Variants in IL1R1 observed in about 807,000 individuals in gnomAD.
IL1R1 encodes interleukin-1 receptor type 1.
IL1R1 carries 22 observed loss-of-function variants against 50.2 expected under a neutral mutation model. That is an observed-to-expected ratio of 0.44 (90% CI 0.31 to 0.63). The LOEUF (loss-of-function observed/expected upper bound fraction) is 0.63. Among genes scored for constraint, IL1R1 ranks in the 20% least tolerant of loss-of-function variants. The pLI is 0.07. For missense variants in IL1R1, 509 were observed against 676.2 expected (o/e 0.75, Z 2.74); for synonymous variants, 251 against 236.7 (o/e 1.06, Z -0.55).
At chr2:102,108,630 C>T (rs1390013953) in intron 1 of IL1R1, among the ~76,000 whole-genome samples, 1 of 151,884 alleles carries the variant, frequency 6.6e-6, no homozygotes, top group Admixed American at 6.6e-5. Context: ...AAAGGCACCC[C>T]AGAAGATTAA....
chr2:102,113,330 C>T (rs905182699), intron 1 of IL1R1, among the ~76,000 whole-genome samples: 6 of 152,210 alleles, frequency 3.9e-5, no homozygotes, highest in Non-Finnish European at 8.8e-5. Flanking sequence ...AAATTATTAG[C>T]GGTGAATGTA....
At chr2:102,144,841 C>T (rs1044656027) in intron 1 of IL1R1, among the ~76,000 whole-genome samples, 3 of 152,138 alleles carry the variant, frequency 2.0e-5, no homozygotes, top group African/African-American at 7.2e-5. Context: ...CCTAGAGAAT[C>T]GCAGGGCTGC....
chr2:102,103,285 C>T (rs1680226803), upstream of IL1R1, among the ~76,000 whole-genome samples: 1 of 152,038 alleles, frequency 6.6e-6, no homozygotes, highest in Non-Finnish European at 1.5e-5. Flanking sequence ...GGAAAATCAC[C>T]CCAGGATGCT....
intron 1 of IL1R1, among the ~76,000 whole-genome samples, chr2:102,105,027 AT>A (rs1341608398): frequency 6.6e-6 from 1 of 152,180 alleles, no homozygotes; most frequent in Non-Finnish European, 1.5e-5. Flanking sequence ...CATTTTAAGG[AT>A]TTCTTGAAGT....
chr2:102,130,829 T>C (rs1197351486), intron 1 of IL1R1, among the ~76,000 whole-genome samples: 1 of 152,196 alleles, frequency 6.6e-6, no homozygotes, highest in African/African-American at 2.4e-5. Context: ...GCCCTAGATT[T>C]ACTTTCTCAT....
intron 1 of IL1R1, among the ~76,000 whole-genome samples, chr2:102,151,352 A>G (rs976959742): frequency 1.3e-5 from 2 of 151,908 alleles, no homozygotes; most frequent in East Asian, 3.9e-4. Flanking sequence ...CCCTTATTCC[A>G]TCCTTTCTCT....
chr2:102,157,249 A>G (rs1377130031), intron 2 of IL1R1, among the ~76,000 whole-genome samples: 1 of 152,152 alleles, frequency 6.6e-6, no homozygotes, highest in African/African-American at 2.4e-5. Flanking sequence ...ATCTTGCAAT[A>G]TAAAATGAAG....
rs145659416 is a variant in IL1R1 at position 102,119,132 on chromosome 2, C to T, written c.-84+14260C>T. Among the ~76,000 whole-genome samples, 526 of 151,810 alleles carry T rather than the reference C, an allele frequency of 3.5e-3. 2 individuals are homozygous for T. Among genetic ancestry groups the T allele is most frequent in the African/African-American group, 0.012 (502 of 41,348 alleles). Reference sequence around the variant, plus strand: ...CTGAGCTTATATCTGCTGTGCAGAGCAACGAAAACATTTATGGGAGGGTAA... The same window carrying T: ...CTGAGCTTATATCTGCTGTGCAGAGTAACGAAAACATTTATGGGAGGGTAA... On this transcript the variant is annotated intron_variant, in intron 1 of 10. Coordinates refer to the IL1R1 transcript ENST00000409329.
At chr2:102,116,713 C>G (rs922894191) in intron 1 of IL1R1, among the ~76,000 whole-genome samples, 4 of 152,156 alleles carry the variant, frequency 2.6e-5, no homozygotes, top group African/African-American at 9.7e-5. Flanking sequence ...AACAAAACAG[C>G]AACAGCAGCA....
intron 1 of IL1R1, among the ~76,000 whole-genome samples, chr2:102,095,874 G>A (rs1425738878): frequency 2.0e-5 from 3 of 151,890 alleles, no homozygotes; most frequent in African/African-American, 7.3e-5. Flanking sequence ...GTGGTGGTAC[G>A]TGCCTGTAAT....
At chr2:102,099,444 G>A (rs1235753286) in intron 1 of IL1R1, among the ~76,000 whole-genome samples, 5 of 152,126 alleles carry the variant, frequency 3.3e-5, no homozygotes, top group African/African-American at 1.2e-4. Context: ...TGGCCTCCTG[G>A]ACGTCTATCC....
intron 1 of IL1R1, among the ~76,000 whole-genome samples, chr2:102,075,157 T>C (rs1678906400): frequency 6.6e-6 from 1 of 152,228 alleles, no homozygotes; most frequent in Non-Finnish European, 1.5e-5. Flanking sequence ...AAACAAGTTA[T>C]TGGTAGTGGG....
chr2:102,152,836 C>T (rs1228327278), intron 1 of IL1R1, among the ~76,000 whole-genome samples: 1 of 152,070 alleles, frequency 6.6e-6, no homozygotes, highest in Non-Finnish European at 1.5e-5. Flanking sequence ...CTGTGTACTG[C>T]CTCAAAGTGA....
chr2:102,155,936 G>A (rs955652190), intron 2 of IL1R1, among the ~76,000 whole-genome samples: 1 of 152,154 alleles, frequency 6.6e-6, no homozygotes, highest in Non-Finnish European at 1.5e-5. Context: ...ACTCCATAAA[G>A]TTCAGTCACA....
upstream of IL1R1, among the ~76,000 whole-genome samples, chr2:102,140,756 A>G (rs4141631): frequency 0.81 from 123,345 of 152,098 alleles, 50,469 homozygotes; most frequent in African/African-American, 0.91. Flanking sequence ...GGGAAGGAGA[A>G]AGTCAGTGAA....
rs147802242 is a variant in IL1R1, at chr2:102,111,875, G to A, written c.-84+7003G>A. 1.6e-4 allele frequency among the ~76,000 whole-genome samples: 24 copies of A among 152,254 alleles called. No homozygotes were observed. In the East Asian group the frequency reaches 4.4e-3, roughly 28 times the overall value. On this transcript the variant is annotated intron_variant, in intron 1 of 10. Transcript: ENST00000409329. ...TTATCTTTCTAACTTTAGAAAGATA[G>A]AGGTGACCAACTGAGAGCTTTCCTC...
intron 1 of IL1R1, among the ~76,000 whole-genome samples, chr2:102,088,672 C>A (rs1679533202): frequency 6.6e-6 from 1 of 152,220 alleles, no homozygotes; most frequent in Non-Finnish European, 1.5e-5. Context: ...GACTTCTTTT[C>A]TCCACTATAA....
At chr2:102,119,256 A>G (rs923741330) in intron 1 of IL1R1, among the ~76,000 whole-genome samples, 2 of 152,180 alleles carry the variant, frequency 1.3e-5, no homozygotes, top group Non-Finnish European at 2.9e-5. Context: ...ATTGCACTTC[A>G]AAAGTATTTC....
chr2:102,165,651 A>T (rs555625575), intron 5 of IL1R1, among the ~76,000 whole-genome samples: 14 of 152,340 alleles, frequency 9.2e-5, no homozygotes, highest in Middle Eastern at 3.4e-3. Context: ...ATGGTCTTCA[A>T]ATAACCTGCT....
Sources: allele counts gnomAD v4.1 joint callset (sites outside exome capture counted in the v4.1 genomes callset), GRCh38; gene constraint gnomAD v4.1.1; transcripts MANE v1.5; gene names NCBI Gene and HGNC (gene_info 2026-07-23, HGNC 2026-07-21).